The following DGKB variants were observed in gnomAD, a reference collection of about 807,000 sequenced individuals.
DGKB encodes the protein 90 kDa diacylglycerol kinase.
DGKB carries 67 observed loss-of-function variants against 114.3 expected under a neutral mutation model. The observed-to-expected ratio is 0.59, with a 90% CI of 0.48 to 0.72. The LOEUF is 0.72. DGKB is among the 30% of genes least tolerant of loss of function. DGKB has a pLI of 0.00. For missense variants in DGKB, 907 were observed against 975.2 expected (o/e 0.93, Z 0.93); for synonymous variants, 398 against 323.1 (o/e 1.23, Z -2.49).
At chr7:14,348,393 A>G (rs1812849621) in intron 21 of DGKB, among the ~76,000 whole-genome samples, 1 of 152,082 alleles carries the variant, frequency 6.6e-6, no homozygotes, top group African/African-American at 2.4e-5. Context: ...TTTAGAATAT[A>G]TAAAGAACTC....
In DGKB at chr7:14,241,939, TATATACACACACACATATAC is replaced by T. The variant is rs1316676363; in HGVS notation, c.2123-63808_2123-63789del. Among the ~76,000 whole-genome samples, 17 of 81,486 alleles carry T rather than the reference TATATACACACACACATATAC, an allele frequency of 2.1e-4. No individual in the cohort carries two copies. The East Asian group carries it at 4.6e-3, about 22-fold the overall frequency. 53.5% of individuals were successfully genotyped at this position (81,486 alleles called of 152,430 possible). A position where few individuals can be genotyped will look rare whatever the true frequency, so the allele number is the denominator to read the frequency against. On this transcript the variant is annotated intron_variant, in intron 23 of 25. Transcript: ENST00000402815. ...ATATATACACACACACACATATAGATATATACACACACACATATACACACACACACACACACACACACACA... is the reference window on the plus strand; with the variant it reads ...ATATATACACACACACACATATAGATACACACACACACACACACACACACA...
At chr7:14,159,865 G>T (rs1183983935) in intron 25 of DGKB, among the ~76,000 whole-genome samples, 2 of 152,030 alleles carry the variant, frequency 1.3e-5, no homozygotes, top group Non-Finnish European at 2.9e-5. Flanking sequence ...TAGAGATGGG[G>T]TTTCACATGT....
chr7:14,448,550 G>A (rs946555862), intron 21 of DGKB, among the ~76,000 whole-genome samples: 2 of 151,914 alleles, frequency 1.3e-5, no homozygotes, highest in Non-Finnish European at 2.9e-5. Flanking sequence ...TATGCAACAG[G>A]GAATCCTAAA....
chr7:14,363,932 A>G (rs1321242555), intron 21 of DGKB, among the ~76,000 whole-genome samples: 2 of 152,094 alleles, frequency 1.3e-5, no homozygotes, highest in Non-Finnish European at 2.9e-5. Context: ...CTGTCTTTCA[A>G]TTGAACAATT....
At chr7:14,757,767 G>A (rs1835101486) in intron 2 of DGKB, 36 bp from the exon 3 acceptor site, 1 of 1,219,246 alleles carries the variant, frequency 8.2e-7, no homozygotes, top group Non-Finnish European at 1.2e-6. Flanking sequence ...TTGTTTATAT[G>A]CACATACTGT....
chr7:14,277,729 T>C (rs1220873213), intron 23 of DGKB, among the ~76,000 whole-genome samples: 1 of 152,248 alleles, frequency 6.6e-6, no homozygotes, highest in East Asian at 1.9e-4. Context: ...AACATGAGGA[T>C]GCAGATATCC....
At chr7:14,721,170 T>C (rs994199767) in intron 5 of DGKB, among the ~76,000 whole-genome samples, 2 of 152,200 alleles carry the variant, frequency 1.3e-5, no homozygotes, top group African/African-American at 4.8e-5. Flanking sequence ...GCTCTGACAT[T>C]TATTTGAAAG....
intron 1 of DGKB, among the ~76,000 whole-genome samples, chr7:14,939,903 A>G (rs141525605): frequency 0.14 from 21,650 of 151,924 alleles, 1,608 homozygotes; most frequent in Admixed American, 0.2. Flanking sequence ...GTGAGCCACC[A>G]CACCCAGCCA....
chr7:14,859,205 T>C (rs577097896), intron 1 of DGKB, among the ~76,000 whole-genome samples: 2 of 152,080 alleles, frequency 1.3e-5, no homozygotes, highest in African/African-American at 4.8e-5. Context: ...TGGGTGGATG[T>C]TGGAAATAGA....
At chr7:14,384,480 C>T (rs538371808) in intron 21 of DGKB, among the ~76,000 whole-genome samples, 45 of 152,134 alleles carry the variant, frequency 3.0e-4, no homozygotes, top group African/African-American at 1.1e-3. Flanking sequence ...AATGTGTTTA[C>T]TATCTGGATT....
intron 2 of DGKB, among the ~76,000 whole-genome samples, chr7:14,831,898 A>G (rs1277484934): frequency 6.6e-6 from 1 of 152,088 alleles, no homozygotes; most frequent in Non-Finnish European, 1.5e-5. Context: ...CTATAAGCAG[A>G]AGGACATTTC....
chr7:14,895,111 G>A (rs1003042663), intron 1 of DGKB, among the ~76,000 whole-genome samples: 3 of 151,536 alleles, frequency 2.0e-5, no homozygotes, highest in Admixed American at 6.6e-5. Context: ...GGCAAGAGAA[G>A]TTACTAAGCA....
chr7:14,206,952 A>C (rs900443969), intron 23 of DGKB, among the ~76,000 whole-genome samples: 5 of 152,208 alleles, frequency 3.3e-5, no homozygotes, highest in South Asian at 4.1e-4. Context: ...AAGAAATGTG[A>C]AGAAAACCTA....
At chr7:14,461,840 G>A (rs755905702) in intron 21 of DGKB, among the ~76,000 whole-genome samples, 40 of 152,240 alleles carry the variant, frequency 2.6e-4, no homozygotes, top group South Asian at 1.2e-3. Context: ...GATGAACACT[G>A]ATGAAAAAAT....
At chr7:14,804,070 G>GGTGTGTGT (rs34964846) in intron 2 of DGKB, among the ~76,000 whole-genome samples, 4,078 of 146,572 alleles carry the variant, frequency 0.028, 59 homozygotes, top group Non-Finnish European at 0.037. Flanking sequence ...TCACTTTTTG[G>GGTGTGTGT]GTGTGTGTGT....
chr7:14,464,106 C>T (rs1833492742), intron 21 of DGKB, among the ~76,000 whole-genome samples: 1 of 150,406 alleles, frequency 6.6e-6, no homozygotes, highest in South Asian at 2.1e-4. Flanking sequence ...GTGTTCTTTT[C>T]TGTATGTCAT....
chr7:14,254,511 A>G (rs1205927559), intron 23 of DGKB, among the ~76,000 whole-genome samples: 1 of 152,190 alleles, frequency 6.6e-6, no homozygotes, highest in East Asian at 1.9e-4. Flanking sequence ...ATAAAATGTT[A>G]GTTACATCAC....
chr7:14,343,386 C>G (rs1811945845), intron 22 of DGKB, among the ~76,000 whole-genome samples: 1 of 151,816 alleles, frequency 6.6e-6, no homozygotes, highest in South Asian at 2.1e-4. Flanking sequence ...GGAGAACATT[C>G]TAAATAGTTT....
At chr7:14,559,480 T>C (rs2128666126) in intron 20 of DGKB, among the ~76,000 whole-genome samples, 1 of 152,298 alleles carries the variant, frequency 6.6e-6, no homozygotes, top group South Asian at 2.1e-4. Context: ...CTCTTTAGTA[T>C]GCATTCAGGT....
Sources: allele counts gnomAD v4.1 joint callset (sites outside exome capture counted in the v4.1 genomes callset), GRCh38; gene constraint gnomAD v4.1.1; transcripts MANE v1.5; gene names NCBI Gene and HGNC (gene_info 2026-07-23, HGNC 2026-07-21).